Variants in HEATR9 observed in about 807,000 individuals in gnomAD.
The protein encoded by HEATR9 is protein HEATR9.
A neutral mutation model predicts 68.2 loss-of-function variants in HEATR9; 54 were observed. That is an observed-to-expected ratio of 0.79 (90% CI 0.64 to 0.99). The LOEUF is 0.99. Among genes scored for constraint, HEATR9 ranks in the 50% least tolerant of loss-of-function variants. HEATR9 has a pLI of 0.00. For synonymous variants in HEATR9, 241 were observed against 253.5 expected, an observed-to-expected ratio of 0.95 and a Z score of 0.47; for missense variants, 662 against 679.7, an observed-to-expected ratio of 0.97 and a Z score of 0.29.
Position 35,858,914 on chromosome 17 carries a change from G to C in HEATR9, c.913C>G (p.Gln305Glu), listed in dbSNP as rs1488457357. The C allele has an allele frequency of 1.2e-6, 2 of 1,614,012 alleles. No individual in the cohort carries two copies. Among genetic ancestry groups the C allele is most frequent in the East Asian group, 2.2e-5 (1 of 44,880 alleles). ...VQEFLLQCLCQGLKTQRMKAL... is the reference protein window; with the variant it reads ...VQEFLLQCLCEGLKTQRMKAL... ...TTCATCCGCTGGGTCTTGAGTCCTTGGCACAGGCACTGCAACAAGAACTCT... is the reference window on the plus strand; with the variant it reads ...TTCATCCGCTGGGTCTTGAGTCCTTCGCACAGGCACTGCAACAAGAACTCT... The change falls in exon 9 of 15, where the codon CAA becomes GAA. Residue 305 changes from glutamine (Q) to glutamate (E), a missense_variant. Physicochemically the swap from Gln to Glu is conservative, Grantham distance 29 (BLOSUM62 2). Transcript: ENST00000604834.
In HEATR9 at chr17:35,864,256, A is replaced by G. The variant is rs371185832; in HGVS notation, c.557T>C (p.Leu186Pro). ...RISDKFVMEA[L>P]QQVAQTGPEK... The stretch of plus-strand genomic sequence containing the variant: ...AGTTCTCAGACTCACCACCTGCTGT[A>G]GTGCCTCCATGACAAACTTGTCACT... The change falls in exon 6 of 15, where the codon CTA (leucine) becomes CCA (proline). Residue 186 changes from leucine to proline, a missense_variant. Leu to Pro is a moderately conservative substitution (Grantham distance 98). Transcript: ENST00000604834. 9.3e-6 allele frequency: 15 copies of G among 1,611,290 alleles called. No individual in the cohort carries two copies. The highest frequency in any genetic ancestry group is 1.3e-5 in the Non-Finnish European group (15 of 1,177,542).
Position 35,855,002 on chromosome 17 carries a change from T to C in HEATR9, c.*61A>G, listed in dbSNP as rs543134566. The C allele has an allele frequency of 3.6e-6, 5 of 1,374,770 alleles. No homozygotes were observed. Among genetic ancestry groups the C allele is most frequent in the Admixed American group, 4.0e-5 (2 of 50,178 alleles). The allele number at this position is 1,374,770 out of a possible 1,614,324, so 85.2% of individuals were successfully genotyped here. ...CGGAAGATAAGTATAGATTGTTTTC[T>C]CATGGGAGCCTGAGAAGCATCTTCA... On this transcript the variant is annotated 3_prime_UTR_variant, in exon 15 of 15. Transcript: ENST00000604834.
In HEATR9 at chr17:35,861,159, G is replaced by A. The variant is rs566766767; in HGVS notation, c.756+1836C>T. ...ACTGCTTCCCTTTGCCTGCAAGAGG[G>A]GCTCGGATAAGATGGATGTTTTGCT... On this transcript the variant is annotated intron_variant, in intron 8 of 14. Coordinates refer to ENST00000604834, the MANE Select transcript of HEATR9 (RefSeq NM_152781.4). 5.6e-5 allele frequency: 89 copies of A among 1,577,990 alleles called. No homozygotes were observed. In the African/African-American group the frequency reaches 1.1e-3, roughly 20 times the overall value.
Position 35,855,285 on chromosome 17 carries a change from C to G in HEATR9, c.1491G>C (p.Gln497His), listed in dbSNP as rs753347830. Residue 497 changes from glutamine to histidine, a missense_variant, in exon 15 of 15, where the codon CAG becomes CAC. By Grantham distance (24) the Gln-to-His change is conservative. Coordinates refer to ENST00000604834, the MANE Select transcript of HEATR9 (RefSeq NM_152781.4). ...TNVKAEPTRF[Q>H]KEPENPEELT... ...ACTCTTCTGGGTTCTCAGGCTCTTTCTGGAACCTTGTGGGCTCTGCCTTCA... is the reference window on the plus strand; with the variant it reads ...ACTCTTCTGGGTTCTCAGGCTCTTTGTGGAACCTTGTGGGCTCTGCCTTCA... 5 of 1,614,100 alleles carry G rather than the reference C, an allele frequency of 3.1e-6. No homozygotes were observed. Among genetic ancestry groups the G allele is most frequent in the East Asian group, 2.2e-5 (1 of 44,900 alleles).
At position 35,864,285 on chromosome 17, in the gene HEATR9, G is replaced by A; in HGVS notation, c.528C>T (p.Arg176=). The A allele has an allele frequency of 6.2e-7, 1 of 1,612,978 alleles. No homozygotes were observed. Among genetic ancestry groups the A allele is most frequent in the Non-Finnish European group, 8.5e-7 (1 of 1,178,916 alleles). Residue 176 remains arginine, a synonymous_variant, in exon 6 of 15, where the codon CGC becomes CGT. Coordinates refer to ENST00000604834, the MANE Select transcript of HEATR9 (RefSeq NM_152781.4). Reference sequence around the variant, plus strand: ...CCTCCATGACAAACTTGTCACTGATGCGTAAGCATCCCAGAGCCTGCAGGA... The same window carrying A: ...CCTCCATGACAAACTTGTCACTGATACGTAAGCATCCCAGAGCCTGCAGGA... The part of the protein sequence containing the change: ...FYAAQALGCL[R]ISDKFVMEAL...
rs1167164025 is a variant in HEATR9 at position 35,855,064 on chromosome 17, T to C, written c.1712A>G (p.Ter571=). 1 of 1,610,428 alleles carries C rather than the reference T, an allele frequency of 6.2e-7. No homozygotes were observed. The highest frequency in any genetic ancestry group is 1.1e-5 in the South Asian group (1 of 90,604). Residue 571 remains the stop codon, a stop_retained_variant, in exon 15 of 15, where the codon TAA becomes TGA. Transcript: ENST00000604834. ...QLRVLAEIAK[*] Reference sequence around the variant, plus strand: ...GGGGAGTAGGCCCAAAGAATTGACTTATTTGGCAATTTCAGCAAGGACCCG... The same window carrying C: ...GGGGAGTAGGCCCAAAGAATTGACTCATTTGGCAATTTCAGCAAGGACCCG...
intron 11 of HEATR9, 40 bp downstream of exon 11, chr17:35,858,160 T>C: frequency 1.2e-6 from 2 of 1,613,318 alleles, no homozygotes; most frequent in Non-Finnish European, 1.7e-6. Flanking sequence ...AAGAGAAAGG[T>C]TTGGGTGTCT....
At chr17:35,857,897 C>T (rs1425307831) in intron 11 of HEATR9, among the ~76,000 whole-genome samples, 1 of 152,120 alleles carries the variant, frequency 6.6e-6, no homozygotes, top group Non-Finnish European at 1.5e-5. Flanking sequence ...TCGTTGGGAT[C>T]GGTCTTGAAG....
intron 5 of HEATR9, 74 bp downstream of exon 5, chr17:35,864,423 C>T: frequency 6.4e-7 from 1 of 1,564,384 alleles, no homozygotes; most frequent in Non-Finnish European, 8.8e-7. Flanking sequence ...ACCATCACGT[C>T]AAGCAGCTTT....
chr17:35,863,680 C>A (rs1350153643), intron 6 of HEATR9, 121 bp from the exon 7 acceptor site: 2 of 1,058,608 alleles, frequency 1.9e-6, no homozygotes, highest in Non-Finnish European at 2.9e-6. Flanking sequence ...AGAAAGTGAC[C>A]TATCTATTCT....
chr17:35,865,165 T>C, intron 3 of HEATR9, 50 bp downstream of exon 3: 1 of 1,580,556 alleles, frequency 6.3e-7, no homozygotes, highest in African/African-American at 1.3e-5. Flanking sequence ...TTCCTCACTT[T>C]CCTAGAAGAT....
At chr17:35,855,920 T>C (rs988923569) in intron 13 of HEATR9, among the ~76,000 whole-genome samples, 170 bp from the exon 14 acceptor site, 7 of 152,142 alleles carry the variant, frequency 4.6e-5, no homozygotes, top group African/African-American at 1.7e-4. Flanking sequence ...CATGGGACTT[T>C]AATGCCCATT....
Position 35,863,082 on chromosome 17 carries a change from C to T in HEATR9, c.669G>A (p.Leu223=). 6.2e-7 allele frequency: 1 copy of T among 1,614,182 alleles called. No individual in the cohort carries two copies. The highest frequency in any genetic ancestry group is 8.5e-7 in the Non-Finnish European group (1 of 1,180,026). Residue 223 remains leucine, a synonymous_variant, in exon 8 of 15, where the codon CTG becomes CTA. Transcript: ENST00000604834. ...KHVIRALIKQ[L]KEKNEGQRME... is the part of the protein sequence containing the mutation. ...TCCTTTGACCCTCATTTTTCTCCTT[C>T]AGCTGTTTGATGAGAGCCCGGATCA...
intron 8 of HEATR9, among the ~76,000 whole-genome samples, chr17:35,859,305 C>G (rs2087892943): frequency 6.6e-6 from 1 of 152,158 alleles, no homozygotes; most frequent in African/African-American, 2.4e-5. Flanking sequence ...GTGTTAATTC[C>G]TGTCATTTAA....
intron 8 of HEATR9, 90 bp from the exon 9 acceptor site, chr17:35,859,160 A>C: frequency 8.7e-7 from 1 of 1,146,360 alleles, no homozygotes; most frequent in Non-Finnish European, 1.3e-6. Flanking sequence ...TCCTCCCTAA[A>C]ATGAATCTTG....
chr17:35,856,258 A>G (rs758988054), intron 12 of HEATR9, 34 bp from the exon 13 acceptor site: 1 of 1,614,032 alleles, frequency 6.2e-7, no homozygotes, highest in Non-Finnish European at 8.5e-7. Context: ...TTATAGTTGA[A>G]TTAAGGAGTA....
intron 8 of HEATR9, among the ~76,000 whole-genome samples, chr17:35,860,448 A>ATTTT (rs2087941999): frequency 2.2e-5 from 3 of 134,336 alleles, no homozygotes; most frequent in African/African-American, 6.1e-5. Flanking sequence ...CAAAGTCCTT[A>ATTTT]TTTTTATTTA....
intron 5 of HEATR9, 52 bp downstream of exon 5, chr17:35,864,445 C>G: frequency 2.5e-6 from 4 of 1,596,394 alleles, no homozygotes; most frequent in Middle Eastern, 3.4e-4. Context: ...TACTTTCCAG[C>G]TTGGCCAACT....
At chr17:35,860,784 C>T (rs531665626) in intron 8 of HEATR9, among the ~76,000 whole-genome samples, 11 of 151,990 alleles carry the variant, frequency 7.2e-5, no homozygotes, top group Admixed American at 3.3e-4. Flanking sequence ...CCACCATGCC[C>T]GGCCTATTTA....
Sources: allele counts gnomAD v4.1 joint callset (sites outside exome capture counted in the v4.1 genomes callset), GRCh38; gene constraint gnomAD v4.1.1; transcripts MANE v1.5; gene names NCBI Gene and HGNC (gene_info 2026-07-23, HGNC 2026-07-21).